Variants in MEMO1 observed in about 807,000 individuals in gnomAD.
MEMO1 encodes protein MEMO1.
Under a neutral mutation model 45.2 loss-of-function variants are expected in MEMO1, and 6 were observed. The ratio of observed to expected loss-of-function variants is 0.13; its 90% CI spans 0.07 to 0.26. The LOEUF is 0.26. MEMO1 is among the 10% of genes least tolerant of loss of function. MEMO1 has a pLI of 1.00. For missense variants in MEMO1, 184 were observed against 370.5 expected (o/e 0.50, Z 4.13); for synonymous variants, 78 against 124.3 (o/e 0.63, Z 2.48).
At position 31,959,545 on chromosome 2, in the gene MEMO1, T is replaced by C. The variant is rs1047226345; in HGVS notation, c.62-16162A>G. On this transcript the variant is annotated intron_variant, in intron 2 of 9. Coordinates refer to ENST00000404530, the MANE Select transcript of MEMO1 (RefSeq NM_001301833.4). The stretch of plus-strand genomic sequence containing the variant: ...AATTGATTTTGGTGATTATGAGAAA[T>C]TGGGAGCCTTTGAGCAGTTATTTTT... 4.0e-5 allele frequency among the ~76,000 whole-genome samples: 6 copies of C among 150,716 alleles called. No individual in the cohort carries two copies. The East Asian group carries it at 5.8e-4, about 15-fold the overall frequency.
At chr2:31,947,724 A>G (rs568161640) in intron 2 of MEMO1, among the ~76,000 whole-genome samples, 1 of 152,348 alleles carries the variant, frequency 6.6e-6, no homozygotes, top group African/African-American at 2.4e-5. Context: ...TGTAGGAAAT[A>G]CAGTAACACT....
intron 2 of MEMO1, among the ~76,000 whole-genome samples, chr2:31,970,829 C>T (rs1189362199): frequency 2.0e-5 from 3 of 152,078 alleles, no homozygotes; most frequent in African/African-American, 7.2e-5. Flanking sequence ...CGTGGTGAAA[C>T]CCCGTCTCTA....
chr2:31,970,560 T>A (rs1481803583), intron 2 of MEMO1, among the ~76,000 whole-genome samples: 1 of 152,074 alleles, frequency 6.6e-6, no homozygotes, highest in African/African-American at 2.4e-5. Flanking sequence ...CTATCTGTTA[T>A]CATCTTTTTT....
chr2:31,875,789 C>A (rs908419581), intron 8 of MEMO1, among the ~76,000 whole-genome samples: 3 of 152,026 alleles, frequency 2.0e-5, no homozygotes, highest in African/African-American at 4.8e-5. Context: ...CAGGTTTAAG[C>A]GATTCTCCTG....
At chr2:31,995,911 T>C (rs182817336) in intron 2 of MEMO1, among the ~76,000 whole-genome samples, 2 of 151,832 alleles carry the variant, frequency 1.3e-5, no homozygotes, top group Admixed American at 1.3e-4. Context: ...GAGAAACAAA[T>C]ATAAAAAAAT....
intron 5 of MEMO1, among the ~76,000 whole-genome samples, chr2:31,920,586 A>C (rs1396727399): frequency 6.6e-6 from 1 of 152,150 alleles, no homozygotes; most frequent in East Asian, 1.9e-4. Flanking sequence ...GGCAGATCTG[A>C]CAGATTTCTG....
intron 6 of MEMO1, among the ~76,000 whole-genome samples, chr2:31,900,781 A>T (rs1219343966): frequency 6.6e-6 from 1 of 152,238 alleles, no homozygotes; most frequent in Non-Finnish European, 1.5e-5. Context: ...AATGGCTATA[A>T]TCAAAAATAC....
intron 2 of MEMO1, among the ~76,000 whole-genome samples, chr2:31,986,465 CTG>C (rs965271264): frequency 3.3e-5 from 5 of 152,002 alleles, no homozygotes; most frequent in African/African-American, 1.2e-4. Context: ...GTGTGAGACA[CTG>C]TCTCAAAAAA....
intron 2 of MEMO1, among the ~76,000 whole-genome samples, chr2:31,960,233 A>G (rs1187858599): frequency 6.6e-6 from 1 of 152,112 alleles, no homozygotes; most frequent in Non-Finnish European, 1.5e-5. Context: ...TTTTCTGCAC[A>G]TTCACATTAA....
chr2:31,876,670 T>C (rs966118452), intron 8 of MEMO1, among the ~76,000 whole-genome samples: 1 of 152,114 alleles, frequency 6.6e-6, no homozygotes, highest in South Asian at 2.1e-4. Flanking sequence ...CCTAATAGAA[T>C]TTATTATCTT....
chr2:31,885,341 A>T (rs1259405152), intron 7 of MEMO1, among the ~76,000 whole-genome samples: 1 of 152,128 alleles, frequency 6.6e-6, no homozygotes, highest in Non-Finnish European at 1.5e-5. Context: ...GCTGGTCTCA[A>T]ACTCCTGACC....
intron 9 of MEMO1, 39 bp from the exon 10 acceptor site, chr2:31,868,531 T>C (rs1212716462): frequency 3.2e-6 from 5 of 1,541,118 alleles, no homozygotes; most frequent in South Asian, 2.5e-5. Flanking sequence ...ACACATCACA[T>C]AAAAAACTGG....
chr2:31,989,883 G>C (rs562649269), intron 2 of MEMO1, among the ~76,000 whole-genome samples: 4 of 152,252 alleles, frequency 2.6e-5, no homozygotes, highest in African/African-American at 7.2e-5. Context: ...TTGGGAGGCC[G>C]AAGTAGACAA....
intron 8 of MEMO1, among the ~76,000 whole-genome samples, chr2:31,875,034 G>A (rs1387761833): frequency 6.6e-6 from 1 of 151,660 alleles, no homozygotes; most frequent in Admixed American, 6.6e-5. Context: ...CTTATAAGTT[G>A]AATCAACAAT....
intron 2 of MEMO1, among the ~76,000 whole-genome samples, chr2:31,984,445 G>T (rs1671025823): frequency 6.6e-6 from 1 of 152,166 alleles, no homozygotes; most frequent in Non-Finnish European, 1.5e-5. Flanking sequence ...ATTTGTCACA[G>T]ATCAGAGAAG....
In MEMO1 at chr2:31,908,782, T is replaced by A. The variant is rs535825394; in HGVS notation, c.437+9144A>T. The stretch of plus-strand genomic sequence containing the variant: ...TGCCTAACTGCAAGAGAAACTATTT[T>A]ACCAGAGCCTAACAAAATTGGGCCT... On this transcript the variant is annotated intron_variant, in intron 6 of 9. Coordinates refer to ENST00000404530, the MANE Select transcript of MEMO1 (RefSeq NM_001301833.4). Among the ~76,000 whole-genome samples, 8 of 152,330 alleles carry A rather than the reference T, an allele frequency of 5.3e-5. No homozygotes were observed. In the South Asian group the frequency reaches 1.7e-3, roughly 32 times the overall value.
intron 2 of MEMO1, among the ~76,000 whole-genome samples, chr2:31,958,556 C>T (rs1380608149): frequency 1.3e-5 from 2 of 152,030 alleles, no homozygotes; most frequent in African/African-American, 2.4e-5. Context: ...TGCTCTTAGG[C>T]CGAATCAGCA....
intron 7 of MEMO1, among the ~76,000 whole-genome samples, chr2:31,888,156 A>G (rs1183895590): frequency 6.6e-6 from 1 of 152,110 alleles, no homozygotes; most frequent in African/African-American, 2.4e-5. Flanking sequence ...GGCAAATCAA[A>G]TAAAGCATGA....
chr2:31,978,785 T>C (rs1361840271), intron 2 of MEMO1, among the ~76,000 whole-genome samples: 3 of 152,238 alleles, frequency 2.0e-5, no homozygotes, highest in Admixed American at 1.3e-4. Flanking sequence ...GTCTCCTTGT[T>C]ATTCAGTATC....
Sources: allele counts gnomAD v4.1 joint callset (sites outside exome capture counted in the v4.1 genomes callset), GRCh38; gene constraint gnomAD v4.1.1; transcripts MANE v1.5; gene names NCBI Gene and HGNC (gene_info 2026-07-23, HGNC 2026-07-21).